The following STIM2 variants were observed in gnomAD, a reference collection of about 807,000 sequenced individuals.
STIM2 encodes stromal interaction molecule 2.
A neutral mutation model predicts 85.8 loss-of-function variants in STIM2; 31 were observed. The ratio of observed to expected loss-of-function variants is 0.36; its 90% CI spans 0.27 to 0.49. The LOEUF (loss-of-function observed/expected upper bound fraction) is 0.49, where lower values mean the gene tolerates loss of function less well. STIM2 is among the 20% of genes least tolerant of loss of function. The probability of loss-of-function intolerance (pLI) is 0.98; values close to 1 mark genes in which losing one functional copy is unlikely to be tolerated. For synonymous variants in STIM2, 356 were observed against 331.1 expected (o/e 1.08, Z -0.82); for missense variants, 841 against 927.6 (o/e 0.91, Z 1.21).
chr4:26,913,123 T>A (rs1459455617), intron 1 of STIM2, among the ~76,000 whole-genome samples: 1 of 152,170 alleles, frequency 6.6e-6, no homozygotes, highest in Non-Finnish European at 1.5e-5. Flanking sequence ...ATTCTTGTTT[T>A]CCCTTTTTCT....
intron 1 of STIM2, among the ~76,000 whole-genome samples, chr4:26,865,685 G>A (rs149559477): frequency 1.3e-5 from 2 of 152,096 alleles, no homozygotes; most frequent in East Asian, 3.9e-4. Context: ...TGGATAATAA[G>A]CCATTTTTTG....
At chr4:26,981,569 G>T (rs572733750) in intron 3 of STIM2, among the ~76,000 whole-genome samples, 1 of 152,274 alleles carries the variant, frequency 6.6e-6, no homozygotes, top group East Asian at 1.9e-4. Context: ...TCCCCTTCCA[G>T]TGCCACCATT....
intron 1 of STIM2, 198 bp downstream of exon 1, chr4:26,861,567 G>C: frequency 3.7e-6 from 3 of 802,134 alleles, no homozygotes; most frequent in Non-Finnish European, 5.0e-6. Context: ...CCCCGCCCTC[G>C]CCGAGCCTCT....
chr4:27,022,530 A>G lies in STIM2; in HGVS notation c.1775A>G (p.Asp592Gly), dbSNP rs1728946600. ...TGTGTTTCATTCAGGGAAGTGCCAG[A>G]CACAGCTTCAGAATGTGACTCCTTA... Residue 592 changes from aspartate to glycine, a missense_variant, in exon 12 of 12, where the codon GAC becomes GGC. Around this residue, in one of 3 missense-constraint regions of STIM2, gnomAD observed 293 missense variants for 284.5 expected, o/e 1.03. Transcript: ENST00000467087. 6.3e-7 allele frequency: 1 copy of G among 1,592,296 alleles called. No individual in the cohort carries two copies. The highest frequency in any genetic ancestry group is 8.6e-7 in the Non-Finnish European group (1 of 1,164,318).
At chr4:26,939,954 A>C (rs1287310188) in intron 2 of STIM2, among the ~76,000 whole-genome samples, 2 of 152,342 alleles carry the variant, frequency 1.3e-5, no homozygotes, top group East Asian at 3.9e-4. Context: ...CTAGTAATAC[A>C]CATGAATCGT....
intron 1 of STIM2, among the ~76,000 whole-genome samples, chr4:26,884,902 C>A (rs548630517): frequency 6.6e-6 from 1 of 152,300 alleles, no homozygotes; most frequent in East Asian, 1.9e-4. Flanking sequence ...ACAGAATTCT[C>A]ACAACAAGAT....
Position 26,919,506 on chromosome 4 carries a change from C to T in STIM2, c.154C>T (p.Pro52Ser). ...AATTGCCCTTTGTTCTCTTTCAGAT[C>T]CCTGCATGTCACTGAGTCCACCATG... Residue 52 changes from proline to serine, a missense_variant and splice_region_variant, in exon 2 of 12, where the codon CCC becomes TCC. Pro to Ser is a moderately conservative substitution (Grantham distance 74). Transcript: ENST00000467087. The T allele has an allele frequency of 6.2e-7, 1 of 1,613,176 alleles. No homozygotes were observed. Among genetic ancestry groups the T allele is most frequent in the Non-Finnish European group, 8.5e-7 (1 of 1,179,574 alleles).
intron 2 of STIM2, among the ~76,000 whole-genome samples, chr4:26,944,974 G>C (rs902164254): frequency 1.6e-4 from 25 of 152,130 alleles, no homozygotes; most frequent in African/African-American, 6.0e-4. Context: ...ACATGTGCAG[G>C]ATGTGCAGAT....
intron 3 of STIM2, among the ~76,000 whole-genome samples, chr4:26,989,644 G>A (rs1451203287): frequency 6.6e-6 from 1 of 152,112 alleles, no homozygotes; most frequent in Non-Finnish European, 1.5e-5. Flanking sequence ...TAAATAAAAG[G>A]CATTCAAATT....
chr4:26,917,672 G>T (rs962901808), intron 1 of STIM2, among the ~76,000 whole-genome samples: 1 of 151,984 alleles, frequency 6.6e-6, no homozygotes, highest in African/African-American at 2.4e-5. Flanking sequence ...CCTCACTGTT[G>T]ACTCCTCTTA....
rs1722139585 is a variant in STIM2, at chr4:26,860,903, C to A, written c.-316C>A. On this transcript the variant is annotated 5_prime_UTR_variant, in exon 1 of 12. Coordinates refer to ENST00000467087, the MANE Select transcript of STIM2 (RefSeq NM_020860.4). ...GGGTGTCGTGCACCGCCTGAAGACG[C>A]CGTACCTTTCTACCCCCCACCTTTT... 1 of 1,093,026 alleles carries A rather than the reference C, an allele frequency of 9.1e-7. No individual in the cohort carries two copies. Among genetic ancestry groups the A allele is most frequent in the South Asian group, 1.9e-5 (1 of 52,276 alleles). The allele number at this position is 1,093,026 out of a possible 1,614,324, so 67.7% of individuals were successfully genotyped here.
chr4:26,917,731 C>T (rs1264683823), intron 1 of STIM2, among the ~76,000 whole-genome samples: 1 of 152,106 alleles, frequency 6.6e-6, no homozygotes, highest in Admixed American at 6.5e-5. Context: ...GATGCTGGCC[C>T]TTTCCTTATA....
At chr4:26,877,136 A>T (rs565440497) in intron 1 of STIM2, among the ~76,000 whole-genome samples, 12 of 152,226 alleles carry the variant, frequency 7.9e-5, no homozygotes, top group African/African-American at 2.9e-4. Context: ...AATTAAGTAT[A>T]TGTTAGACTG....
At chr4:26,916,890 G>A (rs958065498) in intron 1 of STIM2, among the ~76,000 whole-genome samples, 3 of 152,116 alleles carry the variant, frequency 2.0e-5, no homozygotes, top group African/African-American at 7.2e-5. Flanking sequence ...GAGTCTACAT[G>A]TCTTCCTTCT....
chr4:26,861,570 G>A, intron 1 of STIM2: 1 of 771,646 alleles, frequency 1.3e-6, no homozygotes, highest in Non-Finnish European at 1.7e-6. Flanking sequence ...CGCCCTCGCC[G>A]AGCCTCTCGA....
chr4:26,907,855 G>T (rs576804004), intron 1 of STIM2, among the ~76,000 whole-genome samples: 1 of 152,238 alleles, frequency 6.6e-6, no homozygotes, highest in South Asian at 2.1e-4. Flanking sequence ...CAAGTCCCTG[G>T]TCTGGCCTCA....
chr4:26,874,310 G>A (rs904291412), intron 1 of STIM2: 15 of 367,456 alleles, frequency 4.1e-5, no homozygotes, highest in East Asian at 2.7e-4. Context: ...AGAGATCTCC[G>A]GCGCACAGAG....
chr4:27,007,706 C>G lies in STIM2; in HGVS notation c.1149+6C>G, dbSNP rs1728414213. 1.3e-6 allele frequency: 2 copies of G among 1,547,420 alleles called. No individual in the cohort carries two copies. Among genetic ancestry groups the G allele is most frequent in the African/African-American group, 2.8e-5 (2 of 72,284 alleles). On this transcript the variant is annotated splice_donor_region_variant and intron_variant, in intron 8 of 11. Coordinates refer to ENST00000467087, the MANE Select transcript of STIM2 (RefSeq NM_020860.4). ...TAGCTATTGCTAAAGATGAGGTACT[C>G]TCTTGTATTTCAAAATTTACTAAAT...
At chr4:26,955,401 C>T (rs1490677890) in intron 2 of STIM2, among the ~76,000 whole-genome samples, 3 of 148,072 alleles carry the variant, frequency 2.0e-5, no homozygotes, top group Non-Finnish European at 4.5e-5. Context: ...GCCATTTGTT[C>T]CAACTGATTG....
Sources: gnomAD v4.1 joint callset for allele counts (sites outside exome capture counted in the v4.1 genomes callset) on GRCh38, gnomAD v4.1.1 for gene constraint, gnomAD v4.1.1 regional missense constraint, MANE v1.5 for transcripts, NCBI Gene and HGNC (gene_info 2026-07-23, HGNC 2026-07-21) for gene names.